UTP14C: variants seen among roughly 807,000 people sequenced by gnomAD.
The protein encoded by UTP14C is U3 small nucleolar RNA-associated protein 14 homolog C.
In UTP14C, 10 loss-of-function variants were observed where a neutral mutation model predicts 14.6. The ratio of observed to expected loss-of-function variants is 0.68; its 90% CI spans 0.42 to 1.16. The LOEUF (loss-of-function observed/expected upper bound fraction) is 1.16. Among genes scored for constraint, UTP14C ranks in the 50% most tolerant of loss-of-function variants. The pLI is 0.00. For missense variants in UTP14C, 818 were observed against 890.8 expected (o/e 0.92, Z 1.04); for synonymous variants, 315 against 331.6 (o/e 0.95, Z 0.54).
Position 52,031,148 on chromosome 13 carries a change from C to T in UTP14C, c.*43C>T. On this transcript the variant is annotated 3_prime_UTR_variant, in exon 2 of 2. Transcript: ENST00000521776. Reference sequence around the variant, plus strand: ...GTGACAGTCAGGGGCCCTGATTCCACTTCCTTTGGTCCAGTTTTACTCTGC... The same window carrying T: ...GTGACAGTCAGGGGCCCTGATTCCATTTCCTTTGGTCCAGTTTTACTCTGC... 1 of 1,565,550 alleles carries T rather than the reference C, an allele frequency of 6.4e-7. No individual in the cohort carries two copies. The highest frequency in any genetic ancestry group is 1.2e-5 in the South Asian group (1 of 81,970).
chr13:52,030,737 A>C lies in UTP14C; in HGVS notation c.1933A>C (p.Arg645=), dbSNP rs759190119. 6.2e-7 allele frequency: 1 copy of C among 1,614,252 alleles called. No individual in the cohort carries two copies. Among genetic ancestry groups the C allele is most frequent in the Non-Finnish European group, 8.5e-7 (1 of 1,180,048 alleles). Residue 645 remains arginine, a synonymous_variant, in exon 2 of 2, where the codon AGA becomes CGA. Coordinates refer to ENST00000521776, the MANE Select transcript of UTP14C (RefSeq NM_021645.6). The part of the protein sequence containing the change: ...GVGLKPSAKK[R]RQFLIKAPEG... Reference sequence around the variant, plus strand: ...GGGCCTAAAGCCCAGTGCCAAGAAAAGACGCCAGTTTCTCATTAAAGCCCC... The same window carrying C: ...GGGCCTAAAGCCCAGTGCCAAGAAACGACGCCAGTTTCTCATTAAAGCCCC...
Position 52,029,554 on chromosome 13 carries a change from G to A in UTP14C, c.750G>A (p.Lys250=). 6.2e-7 allele frequency: 1 copy of A among 1,614,130 alleles called. No individual in the cohort carries two copies. The highest frequency in any genetic ancestry group is 1.1e-5 in the South Asian group (1 of 91,084). Reference sequence around the variant, plus strand: ...AAGAGAAGAAAATCAAAAGTAAAAAGTATCACAAAGTCGTGAAGAAAGGAA... The same window carrying A: ...AAGAGAAGAAAATCAAAAGTAAAAAATATCACAAAGTCGTGAAGAAAGGAA... ...ARKEKKIKSK[K]YHKVVKKGKA... Residue 250 remains lysine (K), a synonymous_variant, in exon 2 of 2, where the codon AAG becomes AAA. Coordinates refer to ENST00000521776, the MANE Select transcript of UTP14C (RefSeq NM_021645.6).
Position 52,028,694 on chromosome 13 carries a change from T to G in UTP14C, c.-111T>G, listed in dbSNP as rs1333611646. The G allele has an allele frequency of 1.3e-6, 2 of 1,570,232 alleles. No homozygotes were observed. The highest frequency in any genetic ancestry group is 2.7e-5 in the African/African-American group (2 of 73,566). ...TCTCATTTGTCAAATCATTTTACTT[T>G]AGAAAACAGACAAAATTTCCTTTTA... On this transcript the variant is annotated 5_prime_UTR_variant, in exon 2 of 2. Coordinates refer to ENST00000521776, the MANE Select transcript of UTP14C (RefSeq NM_021645.6).
chr13:52,025,354 C>T lies in UTP14C; in HGVS notation c.-487+417C>T, dbSNP rs530261553. 1.1e-4 allele frequency among the ~76,000 whole-genome samples: 16 copies of T among 152,318 alleles called. 1 individual carries two copies. In the South Asian group the frequency reaches 2.9e-3, roughly 28 times the overall value. On this transcript the variant is annotated intron_variant, in intron 1 of 1. Coordinates refer to ENST00000521776, the MANE Select transcript of UTP14C (RefSeq NM_021645.6). The stretch of plus-strand genomic sequence containing the variant: ...TAACAGCAACATTTTCTCTCTCCAT[C>T]TAACCCCACTACATACTTACTGGTA...
At position 52,028,563 on chromosome 13, in the gene UTP14C, A is replaced by T. The variant is rs188332164; in HGVS notation, c.-242A>T. 27 of 1,614,190 alleles carry T rather than the reference A, an allele frequency of 1.7e-5. No individual in the cohort carries two copies. Among genetic ancestry groups the T allele is most frequent in the Non-Finnish European group, 2.2e-5 (26 of 1,179,976 alleles). On this transcript the variant is annotated 5_prime_UTR_variant, in exon 2 of 2. Coordinates refer to ENST00000521776, the MANE Select transcript of UTP14C (RefSeq NM_021645.6). ...ATCAGGAATTTGAAGTGACATTCCTATCATCTGTGGAAAAGTTATTTAAGT... is the reference window on the plus strand; with the variant it reads ...ATCAGGAATTTGAAGTGACATTCCTTTCATCTGTGGAAAAGTTATTTAAGT...
Position 52,030,469 on chromosome 13 carries a change from A to G in UTP14C, c.1665A>G (p.Gln555=). ...CTAAGGAGAAGAAAGAGAAGGAGCAACTGATCAACCTACAGAACTTCCTGA... is the reference window on the plus strand; with the variant it reads ...CTAAGGAGAAGAAAGAGAAGGAGCAGCTGATCAACCTACAGAACTTCCTGA... ...DAPKEKKEKE[Q]LINLQNFLTT... is the part of the protein sequence containing the mutation. Residue 555 remains glutamine, a synonymous_variant, in exon 2 of 2, where the codon CAA becomes CAG. Transcript: ENST00000521776. The G allele has an allele frequency of 6.2e-7, 1 of 1,614,250 alleles. No homozygotes were observed. The highest frequency in any genetic ancestry group is 8.5e-7 in the Non-Finnish European group (1 of 1,180,044).
chr13:52,031,054 G>C lies in UTP14C; in HGVS notation c.2250G>C (p.Gln750His). The C allele has an allele frequency of 6.2e-7, 1 of 1,614,150 alleles. No individual in the cohort carries two copies. The highest frequency in any genetic ancestry group is 8.5e-7 in the Non-Finnish European group (1 of 1,180,030). Residue 750 changes from glutamine to histidine, a missense_variant, in exon 2 of 2, where the codon CAG (glutamine) becomes CAC (histidine). By Grantham distance (24) the Gln-to-His change is conservative. Transcript: ENST00000521776. ...SSSRSDLPVI[Q>H]RNPKRITTRH... The stretch of plus-strand genomic sequence containing the variant: ...CAAGGTCAGACCTGCCTGTCATACA[G>C]AGGAATCCAAAACGAATCACCACAC...
Position 52,029,110 on chromosome 13 carries a change from A to G in UTP14C, c.306A>G (p.Val102=). The change falls in exon 2 of 2, where the codon GTA becomes GTG. Residue 102 remains valine (V), a synonymous_variant. Transcript: ENST00000521776. ...AAACTTCATCTTCTTTGGCCACTGTAAAAAAGCAACTGAATAGAGTCAAAT... is the reference window on the plus strand; with the variant it reads ...AAACTTCATCTTCTTTGGCCACTGTGAAAAAGCAACTGAATAGAGTCAAAT... The part of the protein sequence containing the change: ...PVKTSSSLAT[V]KKQLNRVKSK... 2.5e-6 allele frequency: 4 copies of G among 1,614,216 alleles called. No homozygotes were observed. Among genetic ancestry groups the G allele is most frequent in the South Asian group, 1.1e-5 (1 of 91,086 alleles).
chr13:52,029,349 C>CCCTGGAGCAGGAAA lies in UTP14C; in HGVS notation c.546_559dup (p.Ile187ThrfsTer17). On this transcript the variant is annotated frameshift_variant, in exon 2 of 2. Transcript: ENST00000521776. LOFTEE classifies it low-confidence loss of function (END_TRUNC). ...CTCAGTGGCTGGAAGGCAAGAACTC[C>CCCTGGAGCAGGAAA]CCTGGAGCAGGAAATTTTTAACCTC... is the stretch of plus-strand genomic sequence containing the variant. The CCCTGGAGCAGGAAA allele has an allele frequency of 2.5e-6, 4 of 1,614,098 alleles. No individual in the cohort carries two copies. The highest frequency in any genetic ancestry group is 3.4e-6 in the Non-Finnish European group (4 of 1,180,016).
Position 52,028,329 on chromosome 13 carries a change from G to A in UTP14C, c.-476G>A. 1 of 1,614,172 alleles carries A rather than the reference G, an allele frequency of 6.2e-7. No homozygotes were observed. On this transcript the variant is annotated 5_prime_UTR_variant, in exon 2 of 2. The change creates a new upstream start codon in the 5' untranslated region. Transcript: ENST00000521776. ...TGTTTTTTTTCTCAGGAGTTGTGGAGTGTATGGCAGCTGGCACAATTATCC... is the reference window on the plus strand; with the variant it reads ...TGTTTTTTTTCTCAGGAGTTGTGGAATGTATGGCAGCTGGCACAATTATCC...
chr13:52,029,196 T>C lies in UTP14C; in HGVS notation c.392T>C (p.Val131Ala), dbSNP rs1954271897. The change falls in exon 2 of 2, where the codon GTA (valine) becomes GCA (alanine). Residue 131 changes from valine (V) to alanine (A), a missense_variant. Transcript: ENST00000521776. ...KEKIEQIHRE[V>A]AFSKTSQVLS... ...AAAATTGAACAGATCCACAGAGAAGTAGCATTCAGTAAAACCTCACAGGTC... is the reference window on the plus strand; with the variant it reads ...AAAATTGAACAGATCCACAGAGAAGCAGCATTCAGTAAAACCTCACAGGTC... The C allele has an allele frequency of 6.2e-7, 1 of 1,613,918 alleles. No homozygotes were observed. The highest frequency in any genetic ancestry group is 1.3e-5 in the African/African-American group (1 of 74,866).
Position 52,030,830 on chromosome 13 carries a change from G to T in UTP14C, c.2026G>T (p.Ala676Ser). ...TATCAGTGAGAAGCGCAACATCCAC[G>T]CAGCAGCTCATCAGGTACAAGTGCT... The part of the protein sequence containing the change: ...VIISEKRNIH[A>S]AAHQVQVLPY... Residue 676 changes from alanine (A) to serine (S), a missense_variant, in exon 2 of 2, where the codon GCA becomes TCA. By Grantham distance (99) the Ala-to-Ser change is moderately conservative. Transcript: ENST00000521776. The T allele has an allele frequency of 2.5e-6, 4 of 1,614,140 alleles. No individual in the cohort carries two copies. The highest frequency in any genetic ancestry group is 3.4e-6 in the Non-Finnish European group (4 of 1,180,030).
chr13:52,029,150 GA>G lies in UTP14C; in HGVS notation c.347del (p.Glu116GlyfsTer16). Reference sequence around the variant, plus strand: ...TAGAGTCAAATCAAAGAAGGTGGTGGAGTTACCTCTTAACAAAGAAAAAATT... The same window carrying G: ...TAGAGTCAAATCAAAGAAGGTGGTGGGTTACCTCTTAACAAAGAAAAAATT... ...LNRVKSKKVVELPLNKEKIEQ... is the reference protein window; with the variant it reads ...LNRVKSKKVVXLPLNKEKIEQ... On this transcript the variant is annotated frameshift_variant, in exon 2 of 2. Coordinates refer to ENST00000521776, the MANE Select transcript of UTP14C (RefSeq NM_021645.6). LOFTEE classifies it low-confidence loss of function (END_TRUNC). 6.2e-7 allele frequency: 1 copy of G among 1,614,200 alleles called. No individual in the cohort carries two copies. Among genetic ancestry groups the G allele is most frequent in the South Asian group, 1.1e-5 (1 of 91,086 alleles).
rs1954295360 is a variant in UTP14C at position 52,030,784 on chromosome 13, T to A, written c.1980T>A (p.Asp660Glu). ...IKAPEGPPRK[D>E]KNLPNVIISE... The stretch of plus-strand genomic sequence containing the variant: ...CCCCTGAGGGTCCTCCAAGAAAAGA[T>A]AAGAATTTGCCAAATGTGATTATCA... Residue 660 changes from aspartate to glutamate, a missense_variant, in exon 2 of 2, where the codon GAT (aspartate) becomes GAA (glutamate). By Grantham distance (45) the Asp-to-Glu change is conservative. Transcript: ENST00000521776. 2 of 1,614,098 alleles carry A rather than the reference T, an allele frequency of 1.2e-6. No individual in the cohort carries two copies. The highest frequency in any genetic ancestry group is 1.7e-6 in the Non-Finnish European group (2 of 1,180,006).
intron 1 of UTP14C, among the ~76,000 whole-genome samples, chr13:52,027,686 G>T (rs1954254607): frequency 6.6e-6 from 1 of 152,214 alleles, no homozygotes; most frequent in Non-Finnish European, 1.5e-5. Flanking sequence ...CAGCACTGTT[G>T]TTGGGCATGC....
rs534602050 is a variant in UTP14C, at chr13:52,030,395, T to G, written c.1591T>G (p.Leu531Val). 1 of 1,614,202 alleles carries G rather than the reference T, an allele frequency of 6.2e-7. No homozygotes were observed. Among genetic ancestry groups the G allele is most frequent in the South Asian group, 1.1e-5 (1 of 91,080 alleles). ...AAATAAGGAGCTTCCCAGACCTGTG[T>G]TAGAAGGACAGCAGTCAGAGAGGAC... ...FQNKELPRPV[L>V]EGQQSERTPN... Residue 531 changes from leucine to valine, a missense_variant, in exon 2 of 2, where the codon TTA becomes GTA. Coordinates refer to ENST00000521776, the MANE Select transcript of UTP14C (RefSeq NM_021645.6).
chr13:52,030,318 G>C lies in UTP14C; in HGVS notation c.1514G>C (p.Arg505Thr), dbSNP rs2140852139. The C allele has an allele frequency of 6.2e-7, 1 of 1,614,200 alleles. No individual in the cohort carries two copies. Among genetic ancestry groups the C allele is most frequent in the Middle Eastern group, 1.6e-4 (1 of 6,062 alleles). Residue 505 changes from arginine (R) to threonine (T), a missense_variant, in exon 2 of 2, where the codon AGA becomes ACA. Coordinates refer to ENST00000521776, the MANE Select transcript of UTP14C (RefSeq NM_021645.6). The part of the protein sequence containing the change: ...AEPLLLQRSE[R>T]VQTLEELEEL... ...CCCCTATTGCTACAGAGGTCAGAGAGAGTACAAACTCTGGAAGAGCTAGAA... is the reference window on the plus strand; with the variant it reads ...CCCCTATTGCTACAGAGGTCAGAGACAGTACAAACTCTGGAAGAGCTAGAA...
rs1283091806 is a variant in UTP14C, at chr13:52,024,956, C to G, written c.-487+19C>G. ...GGGATTGGTGAGTTTGGCCTTTAAA[C>G]AACTTGTTTGGTGCCATGAGATACA... is the stretch of plus-strand genomic sequence containing the variant. On this transcript the variant is annotated intron_variant, in intron 1 of 1. Transcript: ENST00000521776. The G allele has an allele frequency of 6.3e-7, 1 of 1,599,956 alleles. No homozygotes were observed. Among genetic ancestry groups the G allele is most frequent in the Non-Finnish European group, 8.5e-7 (1 of 1,175,790 alleles).
At chr13:52,026,510 C>G (rs1474310126) in intron 1 of UTP14C, among the ~76,000 whole-genome samples, 2 of 152,120 alleles carry the variant, frequency 1.3e-5, no homozygotes, top group African/African-American at 2.4e-5. Context: ...CTGTAGCAGC[C>G]CAGATGGAGG....
Sources: gnomAD v4.1 joint callset for allele counts (sites outside exome capture counted in the v4.1 genomes callset) on GRCh38, gnomAD v4.1.1 for gene constraint, MANE v1.5 for transcripts, NCBI Gene and HGNC (gene_info 2026-07-23, HGNC 2026-07-21) for gene names.